The following TYW1 variants were observed in gnomAD, a reference collection of about 807,000 sequenced individuals.
TYW1 encodes tRNA-yW synthesizing protein 1 homolog.
TYW1 carries 46 observed loss-of-function variants against 96.2 expected under a neutral mutation model. That is an observed-to-expected ratio of 0.48 (90% CI 0.38 to 0.61). The LOEUF (loss-of-function observed/expected upper bound fraction) is 0.61. Among genes scored for constraint, TYW1 ranks in the 20% least tolerant of loss-of-function variants. TYW1 has a pLI of 0.00. For missense variants in TYW1, 684 were observed against 909.6 expected, an observed-to-expected ratio of 0.75 and a Z score of 3.19; for synonymous variants, 274 against 323.0, an observed-to-expected ratio of 0.85 and a Z score of 1.63.
chr7:67,071,917 C>T (rs545091270), intron 10 of TYW1, among the ~76,000 whole-genome samples: 10 of 151,790 alleles, frequency 6.6e-5, no homozygotes, highest in South Asian at 6.3e-4. Context: ...CCACCATACC[C>T]GGCCTGGAAC....
intron 7 of TYW1, among the ~76,000 whole-genome samples, chr7:67,049,537 T>A (rs571112758): frequency 1.3e-4 from 20 of 152,116 alleles, no homozygotes; most frequent in Middle Eastern, 3.4e-3. Context: ...AAATTTTTTT[T>A]TAAATTATTT....
At chr7:67,118,097 G>T (rs573343243) in intron 13 of TYW1, among the ~76,000 whole-genome samples, 1 of 152,160 alleles carries the variant, frequency 6.6e-6, no homozygotes, top group Admixed American at 6.5e-5. Flanking sequence ...GGGCGAGGCA[G>T]GTGGATCACT....
chr7:67,208,604 C>T (rs1490979625), intron 15 of TYW1, among the ~76,000 whole-genome samples: 3 of 150,236 alleles, frequency 2.0e-5, no homozygotes, highest in Admixed American at 6.7e-5. Flanking sequence ...GCAGGAGAAT[C>T]GCTTGAACCC....
intron 10 of TYW1, among the ~76,000 whole-genome samples, chr7:67,079,122 T>G (rs976076972): frequency 6.6e-6 from 1 of 152,076 alleles, no homozygotes; most frequent in Non-Finnish European, 1.5e-5. Flanking sequence ...TTCTAAGAAT[T>G]TCTTCCCCCT....
chr7:67,032,068 T>C (rs1271663909), intron 7 of TYW1, among the ~76,000 whole-genome samples: 1 of 151,640 alleles, frequency 6.6e-6, no homozygotes, highest in African/African-American at 2.4e-5. Context: ...CAAAAAAACA[T>C]GGTGAGGCGA....
intron 13 of TYW1, among the ~76,000 whole-genome samples, chr7:67,149,475 T>C (rs6978918): frequency 0.23 from 34,414 of 152,092 alleles, 4,022 homozygotes; most frequent in South Asian, 0.29. Flanking sequence ...ATAAAAAAAA[T>C]TTTGCCATTA....
intron 14 of TYW1, among the ~76,000 whole-genome samples, chr7:67,184,688 GTTATGTTATGT>G (rs1190643928): frequency 7.1e-6 from 1 of 140,124 alleles, no homozygotes; most frequent in East Asian, 2.0e-4. Context: ...GTTATGTTAT[GTTATGTTATGT>G]TATGTTATGT....
At chr7:67,139,288 G>A (rs1249917664) in intron 13 of TYW1, among the ~76,000 whole-genome samples, 1 of 152,192 alleles carries the variant, frequency 6.6e-6, no homozygotes, top group Non-Finnish European at 1.5e-5. Context: ...CTGACCTCAA[G>A]TGATCCAGTC....
intron 12 of TYW1, among the ~76,000 whole-genome samples, chr7:67,107,894 T>A (rs1185607592): frequency 1.4e-5 from 2 of 146,650 alleles, no homozygotes; most frequent in African/African-American, 5.0e-5. Flanking sequence ...TTTTTTTTTT[T>A]AAGATAGAGT....
At chr7:67,014,614 C>T (rs553953945) in intron 5 of TYW1, 53 bp downstream of exon 5, 50 of 1,559,302 alleles carry the variant, frequency 3.2e-5, no homozygotes, top group East Asian at 4.5e-5. Flanking sequence ...CACACACACA[C>T]GCACACACAC....
intron 14 of TYW1, among the ~76,000 whole-genome samples, chr7:67,192,942 C>G (rs140737402): frequency 2.0e-5 from 3 of 152,114 alleles, no homozygotes; most frequent in African/African-American, 7.2e-5. Flanking sequence ...GCGCAGTTGT[C>G]TGTTTGATCA....
At chr7:67,013,180 G>GCT (rs1793875612) in intron 4 of TYW1, among the ~76,000 whole-genome samples, 1 of 149,834 alleles carries the variant, frequency 6.7e-6, no homozygotes, top group Non-Finnish European at 1.5e-5. Flanking sequence ...CAGTGTGCAG[G>GCT]GGTGTGATGG....
intron 15 of TYW1, among the ~76,000 whole-genome samples, chr7:67,197,362 G>A (rs941776197): frequency 2.1e-5 from 3 of 141,922 alleles, no homozygotes; most frequent in Non-Finnish European, 4.5e-5. Flanking sequence ...GTCTTGCTCT[G>A]TTGCACAGGC....
Position 66,996,845 on chromosome 7 carries a change from T to A in TYW1, c.-134T>A. On this transcript the variant is annotated 5_prime_UTR_variant, in exon 1 of 16. It removes an upstream start codon present in the reference 5' UTR. Transcript: ENST00000359626. Reference sequence around the variant, plus strand: ...AATCAGGACCGGCCTGGCAGTGTCATGGCTGCCCACAGGTCTGCAGGCACT... The same window carrying A: ...AATCAGGACCGGCCTGGCAGTGTCAAGGCTGCCCACAGGTCTGCAGGCACT... 1.3e-6 allele frequency: 2 copies of A among 1,512,152 alleles called. No individual in the cohort carries two copies. Among genetic ancestry groups the A allele is most frequent in the South Asian group, 1.2e-5 (1 of 84,424 alleles). The allele number at this position is 1,512,152 out of a possible 1,614,324, so 93.7% of individuals were successfully genotyped here. A position where few individuals can be genotyped will look rare whatever the true frequency, so the allele number is the denominator to read the frequency against.
intron 12 of TYW1, among the ~76,000 whole-genome samples, chr7:67,115,807 GTGAT>G (rs547026360): frequency 1.6e-3 from 240 of 152,278 alleles, no homozygotes; most frequent in African/African-American, 5.5e-3. Context: ...TGGCATGTGA[GTGAT>G]ATTTTCATTT....
intron 13 of TYW1, among the ~76,000 whole-genome samples, chr7:67,143,631 G>A: frequency 6.6e-6 from 1 of 152,162 alleles, no homozygotes; most frequent in East Asian, 1.9e-4. Flanking sequence ...CAAGAGCATG[G>A]GGTCAGATGG....
At chr7:67,100,931 AC>A (rs1378898269) in intron 12 of TYW1, among the ~76,000 whole-genome samples, 1 of 151,958 alleles carries the variant, frequency 6.6e-6, no homozygotes, top group African/African-American at 2.4e-5. Context: ...TTTATTCTGA[AC>A]CTGGGAGGGA....
intron 13 of TYW1, among the ~76,000 whole-genome samples, chr7:67,167,310 A>G (rs1409017686): frequency 6.6e-6 from 1 of 152,064 alleles, no homozygotes; most frequent in African/African-American, 2.4e-5. Context: ...TCTACTAAAA[A>G]TACAAAAAAT....
intron 12 of TYW1, among the ~76,000 whole-genome samples, chr7:67,111,533 A>G (rs189961446): frequency 1.0e-3 from 159 of 152,318 alleles, no homozygotes; most frequent in Middle Eastern, 0.01. Flanking sequence ...AAAAGTATGA[A>G]AATGATGACT....
Sources: gnomAD v4.1 joint callset for allele counts (sites outside exome capture counted in the v4.1 genomes callset) on GRCh38, gnomAD v4.1.1 for gene constraint, MANE v1.5 for transcripts, NCBI Gene and HGNC (gene_info 2026-07-23, HGNC 2026-07-21) for gene names.